DCAF8L2: variants seen among roughly 807,000 people sequenced by gnomAD.
The protein encoded by DCAF8L2 is DDB1- and CUL4-associated factor 8-like protein 2.
For missense variants in DCAF8L2, 430 were observed against 490.7 expected (o/e 0.88, Z 1.17); for synonymous variants, 200 against 190.9 (o/e 1.05, Z -0.39).
At chrX:27,515,471 G>A in the DCAF8L2 span, among the ~76,000 whole-genome samples, 3 of 111,762 alleles carry the variant, frequency 2.7e-5, no homozygotes, top group Non-Finnish European at 5.6e-5. Context: ...CCTGAACCTG[G>A]GAGGTGGAGG....
the DCAF8L2 span, among the ~76,000 whole-genome samples, chrX:27,490,532 G>A: frequency 9.1e-6 from 1 of 109,869 alleles, no homozygotes; most frequent in South Asian, 3.9e-4. Flanking sequence ...TGTGATCTCG[G>A]CTCACTGCAA....
At chrX:27,489,083 A>G in the DCAF8L2 span, among the ~76,000 whole-genome samples, 2,489 of 111,159 alleles carry the variant, frequency 0.022, 82 homozygotes, top group African/African-American at 0.077. Flanking sequence ...TCTGCAAAAA[A>G]TTCAAATAGG....
intron 4 of DCAF8L2, among the ~76,000 whole-genome samples, chrX:27,718,556 A>G (rs1931779782): frequency 9.0e-6 from 1 of 111,352 alleles, no homozygotes; most frequent in Non-Finnish European, 1.9e-5. Context: ...GATGAGATTA[A>G]CATTTCAATC....
At chrX:27,514,157 T>C in the DCAF8L2 span, among the ~76,000 whole-genome samples, 1 of 107,943 alleles carries the variant, frequency 9.3e-6, no homozygotes, top group African/African-American at 3.5e-5. Context: ...TGTATGTGTG[T>C]GCATGCACAC....
At chrX:27,529,992 C>G in the DCAF8L2 span, among the ~76,000 whole-genome samples, 1 of 111,594 alleles carries the variant, frequency 9.0e-6, no homozygotes, top group African/African-American at 3.3e-5. Context: ...GCACACACAG[C>G]TTAGTGAAAT....
chrX:27,590,891 A>C (rs1156671370), intron 1 of DCAF8L2, among the ~76,000 whole-genome samples: 2 of 104,666 alleles, frequency 1.9e-5, no homozygotes, highest in Admixed American at 2.1e-4. Flanking sequence ...CTATCCTCCC[A>C]CCTCAGCCTT....
At chrX:27,718,105 T>G (rs1017143783) in intron 4 of DCAF8L2, among the ~76,000 whole-genome samples, 16 of 112,019 alleles carry the variant, frequency 1.4e-4, no homozygotes, top group Non-Finnish European at 2.3e-4. Flanking sequence ...GGTGATTGTA[T>G]GTATTTGTGT....
chrX:27,601,186 A>G (rs773152690), intron 1 of DCAF8L2, among the ~76,000 whole-genome samples: 7 of 111,527 alleles, frequency 6.3e-5, no homozygotes, highest in Non-Finnish European at 9.4e-5. Context: ...ACTTGCTTAT[A>G]TTTTTCCAAG....
At chrX:27,575,668 A>G in the DCAF8L2 span, among the ~76,000 whole-genome samples, 2 of 112,600 alleles carry the variant, frequency 1.8e-5, no homozygotes, top group Non-Finnish European at 3.7e-5. Flanking sequence ...TCTACCACTT[A>G]TGAGTCATAA....
the DCAF8L2 span, among the ~76,000 whole-genome samples, chrX:27,489,816 G>GT: frequency 8.9e-6 from 1 of 112,254 alleles, no homozygotes; most frequent in African/African-American, 3.2e-5. Flanking sequence ...TATGTCTTGT[G>GT]TTTTTTATTA....
chrX:27,534,426 G>A, the DCAF8L2 span, among the ~76,000 whole-genome samples: 1 of 111,572 alleles, frequency 9.0e-6, no homozygotes, highest in South Asian at 3.8e-4. Context: ...CAAATAAGTA[G>A]AGAATAACGA....
At chrX:27,587,886 G>A (rs951681686), upstream of DCAF8L2, among the ~76,000 whole-genome samples, 1 of 106,088 alleles carries the variant, frequency 9.4e-6, no homozygotes, top group Non-Finnish European at 1.9e-5. Flanking sequence ...GCCCTCAGTC[G>A]TATAACTAGT....
chrX:27,613,397 A>G (rs12559561), intron 1 of DCAF8L2, among the ~76,000 whole-genome samples: 24,946 of 110,660 alleles, frequency 0.23, 2,609 homozygotes, highest in Middle Eastern at 0.32. Flanking sequence ...TCATCTGCAA[A>G]CAGGGACAAT....
the DCAF8L2 span, among the ~76,000 whole-genome samples, chrX:27,523,173 C>T: frequency 9.0e-6 from 1 of 111,182 alleles, no homozygotes; most frequent in Admixed American, 9.6e-5. Context: ...ACAAAGTATA[C>T]GGATAAGGAA....
At chrX:27,732,872 T>C (rs1272059282) in intron 4 of DCAF8L2, among the ~76,000 whole-genome samples, 1 of 110,933 alleles carries the variant, frequency 9.0e-6, no homozygotes, top group Non-Finnish European at 1.9e-5. Context: ...AAAAAAAATT[T>C]TTTTGAGAAG....
the DCAF8L2 span, among the ~76,000 whole-genome samples, chrX:27,576,407 A>T: frequency 8.9e-6 from 1 of 111,998 alleles, no homozygotes; most frequent in Non-Finnish European, 1.9e-5. Context: ...TTTTCTACTC[A>T]TACATCCGGC....
intron 2 of DCAF8L2, chrX:27,676,918 T>G (rs973369540): frequency 6.3e-5 from 7 of 111,438 alleles, no homozygotes; most frequent in African/African-American, 2.3e-4. Flanking sequence ...CTTTTTTGCC[T>G]AAACAAAATG....
intron 2 of DCAF8L2, among the ~76,000 whole-genome samples, chrX:27,670,124 T>G (rs113612545): frequency 0.019 from 2,121 of 110,060 alleles, 15 homozygotes; most frequent in Middle Eastern, 0.042. Flanking sequence ...TTGTTTGTTT[T>G]TTTTTTTAGT....
At chrX:27,592,411 G>GTT (rs1214583694) in intron 1 of DCAF8L2, among the ~76,000 whole-genome samples, 10 of 51,598 alleles carry the variant, frequency 1.9e-4, no homozygotes, top group East Asian at 1.1e-3. Flanking sequence ...TTTTTTGTTT[G>GTT]TTTTTGTTTT....
Sources: allele counts gnomAD v4.1 joint callset (sites outside exome capture counted in the v4.1 genomes callset), GRCh38; gene constraint gnomAD v4.1.1; transcripts MANE v1.5; gene names NCBI Gene and HGNC (gene_info 2026-07-23, HGNC 2026-07-21).